The following PCDH9 variants were observed in gnomAD, a reference collection of about 807,000 sequenced individuals.
PCDH9 encodes the protein protocadherin-9.
In PCDH9, 24 loss-of-function variants were observed where a neutral mutation model predicts 70.6. That is an observed-to-expected ratio of 0.34 (90% CI 0.25 to 0.48). PCDH9 has a LOEUF of 0.48. PCDH9 is among the 20% of genes least tolerant of loss of function. The pLI is 0.99. For missense variants in PCDH9, 1,281 were observed against 1,503.6 expected, an observed-to-expected ratio of 0.85 and a Z score of 2.45; for synonymous variants, 562 against 558.5, an observed-to-expected ratio of 1.01 and a Z score of -0.09.
intron 3 of PCDH9, among the ~76,000 whole-genome samples, chr13:66,719,283 A>T (rs543929016): frequency 6.6e-6 from 1 of 152,152 alleles, no homozygotes; most frequent in East Asian, 1.9e-4. Flanking sequence ...TGGATTAAAG[A>T]TTGCTGTGGT....
At chr13:66,387,036 C>A (rs1956941508) in intron 4 of PCDH9, among the ~76,000 whole-genome samples, 2 of 152,252 alleles carry the variant, frequency 1.3e-5, no homozygotes, top group Admixed American at 1.3e-4. Flanking sequence ...CTCAGCATTA[C>A]AATAACCATT....
intron 2 of PCDH9, among the ~76,000 whole-genome samples, chr13:67,042,563 A>T (rs1368867891): frequency 6.6e-6 from 1 of 152,196 alleles, no homozygotes; most frequent in Non-Finnish European, 1.5e-5. Context: ...TTGCAAACAA[A>T]AGCAGTTAAT....
chr13:66,629,757 CAG>C (rs1346589389), intron 4 of PCDH9, among the ~76,000 whole-genome samples: 1 of 152,126 alleles, frequency 6.6e-6, no homozygotes, highest in East Asian at 1.9e-4. Flanking sequence ...AAATTCTTGG[CAG>C]AGAGAAGATA....
intron 4 of PCDH9, among the ~76,000 whole-genome samples, chr13:66,527,556 T>C (rs1960271287): frequency 6.6e-6 from 1 of 152,176 alleles, no homozygotes; most frequent in Non-Finnish European, 1.5e-5. Flanking sequence ...CTTTTTGTTT[T>C]TTTGGACTGC....
chr13:66,656,751 G>A (rs2077936215), intron 3 of PCDH9, among the ~76,000 whole-genome samples: 2 of 152,140 alleles, frequency 1.3e-5, no homozygotes, highest in Admixed American at 6.6e-5. Context: ...CTGACAAGTA[G>A]GGGGATATTT....
chr13:66,953,712 AC>A (rs1390114382), intron 2 of PCDH9, among the ~76,000 whole-genome samples: 1 of 152,092 alleles, frequency 6.6e-6, no homozygotes. Context: ...CCCTTCACCA[AC>A]AAACCCAGCA....
chr13:67,052,786 C>T (rs1397445742), intron 2 of PCDH9, among the ~76,000 whole-genome samples: 2 of 151,924 alleles, frequency 1.3e-5, no homozygotes, highest in African/African-American at 2.4e-5. Flanking sequence ...ACGGTGGAGG[C>T]GGAAGGTGGG....
chr13:66,851,575 TCACACA>T lies in PCDH9; in HGVS notation c.3138+51923_3138+51928del, dbSNP rs59674873. Reference sequence around the variant, plus strand: ...TATGTAACACCCACCCGCATCACCCTCACACACACACACACACACACACACACACAC... The same window carrying T: ...TATGTAACACCCACCCGCATCACCCTCACACACACACACACACACACACAC... On this transcript the variant is annotated intron_variant, in intron 3 of 4. Transcript: ENST00000377865. 2.3e-3 allele frequency among the ~76,000 whole-genome samples: 340 copies of T among 146,828 alleles called. 1 individual carries two copies. The highest frequency in any genetic ancestry group is 2.8e-3 in the Non-Finnish European group (188 of 66,278).
intron 3 of PCDH9, among the ~76,000 whole-genome samples, chr13:66,825,888 C>T (rs1266535528): frequency 3.9e-5 from 6 of 151,948 alleles, no homozygotes; most frequent in African/African-American, 1.5e-4. Flanking sequence ...GAAGGTTATT[C>T]CTAATTTTTT....
intron 4 of PCDH9, among the ~76,000 whole-genome samples, chr13:66,342,456 G>A (rs1195091175): frequency 1.3e-5 from 2 of 152,128 alleles, no homozygotes; most frequent in Non-Finnish European, 2.9e-5. Flanking sequence ...CATGTATTGA[G>A]GAATTTACTC....
At chr13:66,876,435 TC>T (rs2081812665) in intron 3 of PCDH9, among the ~76,000 whole-genome samples, 1 of 152,140 alleles carries the variant, frequency 6.6e-6, no homozygotes, top group Admixed American at 6.6e-5. Flanking sequence ...CATTGTTAAT[TC>T]AAATCCGATT....
chr13:67,174,314 G>C (rs2987318), intron 2 of PCDH9, among the ~76,000 whole-genome samples: 16,825 of 149,296 alleles, frequency 0.11, 1,349 homozygotes, highest in African/African-American at 0.23. Context: ...TAGATAGATA[G>C]ATACATACAT....
intron 4 of PCDH9, among the ~76,000 whole-genome samples, chr13:66,352,418 T>C (rs1183120553): frequency 6.6e-6 from 1 of 152,116 alleles, no homozygotes; most frequent in Non-Finnish European, 1.5e-5. Flanking sequence ...AACAGAAATA[T>C]TGCATAGCTC....
intron 2 of PCDH9, among the ~76,000 whole-genome samples, chr13:67,093,046 G>A (rs990997038): frequency 4.6e-5 from 7 of 152,062 alleles, no homozygotes; most frequent in African/African-American, 9.7e-5. Flanking sequence ...AGAATATTTT[G>A]ACCTCCAAAA....
intron 3 of PCDH9, among the ~76,000 whole-genome samples, chr13:66,849,509 T>TAG (rs71766427): frequency 0.055 from 4,694 of 85,852 alleles, 184 homozygotes; most frequent in Non-Finnish European, 0.074. Flanking sequence ...TATATATATA[T>TAG]ATATATATAG....
In PCDH9 at chr13:66,652,664, C is replaced by T. The variant is rs553344460; in HGVS notation, c.3139-21253G>A. Among the ~76,000 whole-genome samples, 4 of 151,580 alleles carry T rather than the reference C, an allele frequency of 2.6e-5. No individual in the cohort carries two copies. The South Asian group carries it at 8.3e-4, about 32-fold the overall frequency. On this transcript the variant is annotated intron_variant, in intron 3 of 4. Transcript: ENST00000377865. ...AAAATGTATATGGAACCACAAATTA[C>T]CCAAACCAATCCTGAGCAAAAATAA...
intron 3 of PCDH9, among the ~76,000 whole-genome samples, chr13:66,663,361 G>A (rs1444675912): frequency 6.6e-6 from 1 of 152,124 alleles, no homozygotes; most frequent in Non-Finnish European, 1.5e-5. Context: ...AAAAACCTGG[G>A]CAGAACCTGA....
intron 4 of PCDH9, among the ~76,000 whole-genome samples, chr13:66,602,574 T>A (rs2138848404): frequency 6.9e-6 from 1 of 145,958 alleles, no homozygotes; most frequent in South Asian, 2.2e-4. Context: ...GTACAATGTA[T>A]CTGTGTTTTA....
Position 66,839,314 on chromosome 13 carries a change from T to C in PCDH9, c.3138+64190A>G, listed in dbSNP as rs113194882. ...AGATATCTCAACAGAATTTCCAAGA[T>C]ATGATGTCCCAATTTTAAAAAATGT... On this transcript the variant is annotated intron_variant, in intron 3 of 4. Coordinates refer to ENST00000377865, the MANE Select transcript of PCDH9 (RefSeq NM_203487.3). Among the ~76,000 whole-genome samples, 9 of 152,318 alleles carry C rather than the reference T, an allele frequency of 5.9e-5. 2 individuals carry two copies. The highest frequency in any genetic ancestry group is 1.9e-4 in the African/African-American group (8 of 41,596).
Sources: gnomAD v4.1 joint callset for allele counts (sites outside exome capture counted in the v4.1 genomes callset) on GRCh38, gnomAD v4.1.1 for gene constraint, MANE v1.5 for transcripts, NCBI Gene and HGNC (gene_info 2026-07-23, HGNC 2026-07-21) for gene names.